KIF11: variants seen among roughly 807,000 people sequenced by gnomAD.
KIF11 encodes kinesin-like protein KIF11.
KIF11 carries 9 observed loss-of-function variants against 121.0 expected under a neutral mutation model. The observed-to-expected ratio is 0.07, with a 90% CI of 0.04 to 0.13. The LOEUF (loss-of-function observed/expected upper bound fraction) is 0.13, where lower values mean the gene tolerates loss of function less well. Ranked by LOEUF, KIF11 falls within the 10% of genes least tolerant of loss-of-function variation. KIF11 has a pLI of 1.00. For missense variants in KIF11, 846 were observed against 1,217.5 expected, an observed-to-expected ratio of 0.69 and a Z score of 4.54; for synonymous variants, 408 against 421.0, an observed-to-expected ratio of 0.97 and a Z score of 0.38.
intron 18 of KIF11, among the ~76,000 whole-genome samples, chr10:92,646,651 C>T (rs957380593): frequency 1.8e-4 from 28 of 152,004 alleles, no homozygotes; most frequent in African/African-American, 6.8e-4. Context: ...TCCCCATCTT[C>T]AAAGGTGGCA....
chr10:92,651,416 A>T (rs1421439493), intron 21 of KIF11, among the ~76,000 whole-genome samples: 1 of 138,788 alleles, frequency 7.2e-6, no homozygotes, highest in South Asian at 2.4e-4. Flanking sequence ...GCTCACCGCA[A>T]CTTCCACCTC....
chr10:92,604,663 C>T lies in KIF11; in HGVS notation c.78-1602C>T, dbSNP rs192175595. 3.4e-4 allele frequency among the ~76,000 whole-genome samples: 52 copies of T among 152,218 alleles called. 2 individuals carry two copies. In the East Asian group the frequency reaches 9.8e-3, roughly 29 times the overall value. ...TGCCAGGGGAAGTTGAGGTATCCTT[C>T]TTAAATAAGTAGCAACTTGGTTTAT... is the stretch of plus-strand genomic sequence containing the variant. On this transcript the variant is annotated intron_variant, in intron 1 of 21. Transcript: ENST00000260731.
At chr10:92,634,764 C>A (rs1181280898) in intron 14 of KIF11, among the ~76,000 whole-genome samples, 1 of 152,176 alleles carries the variant, frequency 6.6e-6, no homozygotes, top group Non-Finnish European at 1.5e-5. Context: ...TATCAAGGGA[C>A]TTGTTAGTTG....
At chr10:92,614,746 T>C (rs1844535078) in intron 8 of KIF11, among the ~76,000 whole-genome samples, 1 of 152,210 alleles carries the variant, frequency 6.6e-6, no homozygotes, top group African/African-American at 2.4e-5. Context: ...CTTATTTTAT[T>C]GCTATCATCT....
At chr10:92,615,366 A>G (rs970187313) in intron 8 of KIF11, among the ~76,000 whole-genome samples, 2 of 152,024 alleles carry the variant, frequency 1.3e-5, no homozygotes, top group Admixed American at 1.3e-4. Context: ...AGATTGCGCC[A>G]TTGCACTCAA....
intron 10 of KIF11, among the ~76,000 whole-genome samples, chr10:92,627,935 C>T (rs529186419): frequency 2.6e-5 from 4 of 152,218 alleles, no homozygotes; most frequent in African/African-American, 7.2e-5. Flanking sequence ...TAGATTTACA[C>T]TTAAATGCTC....
intron 6 of KIF11, among the ~76,000 whole-genome samples, chr10:92,609,934 A>G (rs1370334145): frequency 6.6e-6 from 1 of 152,058 alleles, no homozygotes; most frequent in African/African-American, 2.4e-5. Flanking sequence ...ATGTGGTTTC[A>G]CCATGTTGGC....
Position 92,632,469 on chromosome 10 carries a change from TA to T in KIF11, c.1495-16del. On this transcript the variant is annotated splice_polypyrimidine_tract_variant and intron_variant, in intron 12 of 21. Coordinates refer to ENST00000260731, the MANE Select transcript of KIF11 (RefSeq NM_004523.4). ...CACCGTATCCATTTTGTCTAACACTTATTTTTAAAAATATAGCTGCTTAACA... is the reference window on the plus strand; with the variant it reads ...CACCGTATCCATTTTGTCTAACACTTTTTTTAAAAATATAGCTGCTTAACA... The T allele has an allele frequency of 6.5e-7, 1 of 1,527,910 alleles. No homozygotes were observed. Among genetic ancestry groups the T allele is most frequent in the Non-Finnish European group, 9.0e-7 (1 of 1,105,210 alleles). The allele number at this position is 1,527,910 out of a possible 1,614,324, so 94.6% of individuals were successfully genotyped here. A position where few individuals can be genotyped will look rare whatever the true frequency, so the allele number is the denominator to read the frequency against.
rs111727250 is a variant in KIF11, at chr10:92,612,677, G to A, written c.699-363G>A. Among the ~76,000 whole-genome samples, 383 of 152,198 alleles carry A rather than the reference G, an allele frequency of 2.5e-3. 2 individuals are homozygous for A. Among genetic ancestry groups the A allele is most frequent in the Admixed American group, 4.8e-3 (74 of 15,284 alleles). On this transcript the variant is annotated intron_variant, in intron 6 of 21. Transcript: ENST00000260731. Reference sequence around the variant, plus strand: ...CTTACCTGGTACCATTTGAATTTATGGTAATGACATATTTCAAATGGTTCT... The same window carrying A: ...CTTACCTGGTACCATTTGAATTTATAGTAATGACATATTTCAAATGGTTCT...
intron 17 of KIF11, among the ~76,000 whole-genome samples, chr10:92,643,839 A>G (rs1402638745): frequency 6.6e-6 from 1 of 152,128 alleles, no homozygotes; most frequent in Non-Finnish European, 1.5e-5. Context: ...GGCTTCTATT[A>G]TACTTCTGTT....
intron 14 of KIF11, among the ~76,000 whole-genome samples, chr10:92,634,822 C>T (rs1360504160): frequency 6.6e-6 from 1 of 152,176 alleles, no homozygotes; most frequent in Non-Finnish European, 1.5e-5. Flanking sequence ...CTGGACCCAA[C>T]CAGAAGGGGA....
intron 1 of KIF11, among the ~76,000 whole-genome samples, chr10:92,602,395 C>A (rs1342614527): frequency 6.6e-6 from 1 of 152,024 alleles, no homozygotes; most frequent in Non-Finnish European, 1.5e-5. Flanking sequence ...AGATCTAGGG[C>A]TTTTCTTTGT....
At chr10:92,603,516 A>G (rs984887951) in intron 1 of KIF11, among the ~76,000 whole-genome samples, 3 of 151,474 alleles carry the variant, frequency 2.0e-5, no homozygotes, top group Non-Finnish European at 2.9e-5. Flanking sequence ...ATTTCTGGCT[A>G]ATTTTTGTAT....
chr10:92,634,427 G>A (rs1023798542), intron 14 of KIF11, among the ~76,000 whole-genome samples: 19 of 151,500 alleles, frequency 1.3e-4, no homozygotes, highest in African/African-American at 4.1e-4. Context: ...GTGCCACCAC[G>A]CCTGGCTAAT....
chr10:92,619,102 C>T (rs1025971855), intron 9 of KIF11, among the ~76,000 whole-genome samples: 7 of 152,016 alleles, frequency 4.6e-5, no homozygotes, highest in African/African-American at 9.7e-5. Flanking sequence ...CAGCAACCTC[C>T]GCCTCCCGGG....
In KIF11 at chr10:92,609,158, T is replaced by C; in HGVS notation, c.526T>C (p.Ser176Pro). 1 of 1,596,564 alleles carries C rather than the reference T, an allele frequency of 6.3e-7. No homozygotes were observed. The highest frequency in any genetic ancestry group is 8.5e-7 in the Non-Finnish European group (1 of 1,171,792). The part of the protein sequence containing the change: ...EELFDLLNPS[S>P]DVSERLQMFD... ...GCTTTTTGATCTTCTTAATCCATCA[T>C]CTGATGTTTCTGAGAGACTACAGAT... is the stretch of plus-strand genomic sequence containing the variant. Residue 176 changes from serine (S) to proline (P), a missense_variant, in exon 5 of 22, where the codon TCT (serine) becomes CCT (proline). Coordinates refer to ENST00000260731, the MANE Select transcript of KIF11 (RefSeq NM_004523.4).
intron 9 of KIF11, 32 bp downstream of exon 9, chr10:92,616,864 C>A: frequency 8.5e-7 from 1 of 1,179,284 alleles, no homozygotes; most frequent in Non-Finnish European, 1.2e-6. Flanking sequence ...GTAATGTAAT[C>A]TTGTTTGACA....
chr10:92,618,667 T>C (rs1190543804), intron 9 of KIF11, among the ~76,000 whole-genome samples: 1 of 149,202 alleles, frequency 6.7e-6, no homozygotes, highest in East Asian at 1.9e-4. Context: ...AGAAAAAAAG[T>C]AATAATACAG....
intron 21 of KIF11, 50 bp from the exon 22 acceptor site, chr10:92,653,615 T>C (rs1845011816): frequency 2.0e-6 from 3 of 1,534,412 alleles, no homozygotes; most frequent in Non-Finnish European, 2.7e-6. Flanking sequence ...AGTTAATGTG[T>C]ATCTAATGTT....
Sources: allele counts gnomAD v4.1 joint callset (sites outside exome capture counted in the v4.1 genomes callset), GRCh38; gene constraint gnomAD v4.1.1; transcripts MANE v1.5; gene names NCBI Gene and HGNC (gene_info 2026-07-23, HGNC 2026-07-21).